The following WDR70 variants were observed in gnomAD, a reference collection of about 807,000 sequenced individuals.
WDR70 encodes WD repeat domain 70.
WDR70 carries 53 observed loss-of-function variants against 88.6 expected under a neutral mutation model. The observed-to-expected ratio is 0.60, with a 90% CI of 0.48 to 0.75. The LOEUF is 0.75. Ranked by LOEUF, WDR70 falls within the 30% of genes least tolerant of loss-of-function variation. The probability of loss-of-function intolerance (pLI) is 0.00; values close to 1 mark genes in which losing one functional copy is unlikely to be tolerated. For synonymous variants in WDR70, 280 were observed against 270.0 expected, an observed-to-expected ratio of 1.04 and a Z score of -0.36; for missense variants, 610 against 823.2, an observed-to-expected ratio of 0.74 and a Z score of 3.17.
At chr5:37,713,605 A>G (rs1747576256) in intron 13 of WDR70, among the ~76,000 whole-genome samples, 2 of 152,004 alleles carry the variant, frequency 1.3e-5, no homozygotes, top group South Asian at 4.1e-4. Context: ...ATAATGTTAT[A>G]TTTACTTATT....
At chr5:37,484,486 T>G (rs1346458449) in intron 8 of WDR70, among the ~76,000 whole-genome samples, 1 of 152,010 alleles carries the variant, frequency 6.6e-6, no homozygotes, top group African/African-American at 2.4e-5. Flanking sequence ...GGAGGTTGCA[T>G]TGAGCCGAGA....
At chr5:37,681,623 G>T (rs1384846185) in intron 10 of WDR70, among the ~76,000 whole-genome samples, 1 of 152,138 alleles carries the variant, frequency 6.6e-6, no homozygotes, top group Non-Finnish European at 1.5e-5. Flanking sequence ...AGTTTATTAA[G>T]AGTTTTTAAC....
chr5:37,701,785 CAAAAA>C (rs58402399), intron 12 of WDR70, among the ~76,000 whole-genome samples: 5 of 115,076 alleles, frequency 4.3e-5, no homozygotes, highest in Admixed American at 9.0e-5. Context: ...GACTCCATCT[CAAAAA>C]AAAAAAAAAA....
chr5:37,461,846 T>C (rs1561861253), intron 7 of WDR70, among the ~76,000 whole-genome samples: 1 of 152,174 alleles, frequency 6.6e-6, no homozygotes, highest in Non-Finnish European at 1.5e-5. Context: ...TTATTAACCC[T>C]ATATTGTCTC....
chr5:37,437,421 G>A (rs1034550750), intron 5 of WDR70, among the ~76,000 whole-genome samples: 1 of 152,036 alleles, frequency 6.6e-6, no homozygotes, highest in African/African-American at 2.4e-5. Flanking sequence ...GACCTTGTTG[G>A]TTATTTTTTA....
chr5:37,678,025 T>C (rs1746293246), intron 10 of WDR70, among the ~76,000 whole-genome samples: 1 of 152,208 alleles, frequency 6.6e-6, no homozygotes, highest in Non-Finnish European at 1.5e-5. Flanking sequence ...TGGTTTAATG[T>C]CTGTTTTATC....
intron 8 of WDR70, chr5:37,506,064 A>G: frequency 7.7e-7 from 1 of 1,306,168 alleles, no homozygotes; most frequent in Non-Finnish European, 1.1e-6. Flanking sequence ...TGATCCAGAG[A>G]GATCACCTCA....
At chr5:37,737,165 C>G (rs1256776274) in intron 17 of WDR70, among the ~76,000 whole-genome samples, 1 of 151,996 alleles carries the variant, frequency 6.6e-6, no homozygotes, top group Admixed American at 6.6e-5. Flanking sequence ...TTATACTATG[C>G]CAGGCTTGTT....
intron 3 of WDR70, 58 bp from the exon 4 acceptor site, chr5:37,391,942 C>G: frequency 6.4e-7 from 1 of 1,551,954 alleles, no homozygotes; most frequent in Non-Finnish European, 8.7e-7. Flanking sequence ...CTAATACTAA[C>G]ATATTTTGAA....
intron 10 of WDR70, among the ~76,000 whole-genome samples, chr5:37,653,920 G>A (rs975333370): frequency 1.3e-4 from 19 of 151,964 alleles, no homozygotes; most frequent in African/African-American, 4.6e-4. Context: ...TTTTCTTGAA[G>A]GGTTTTTCAT....
At chr5:37,457,603 G>C (rs879723363) in intron 7 of WDR70, among the ~76,000 whole-genome samples, 7 of 152,130 alleles carry the variant, frequency 4.6e-5, no homozygotes, top group African/African-American at 9.7e-5. Context: ...ATGTGGAAAT[G>C]ATCAGGAACA....
At chr5:37,591,323 G>C (rs1561914308) in intron 9 of WDR70, among the ~76,000 whole-genome samples, 1 of 152,128 alleles carries the variant, frequency 6.6e-6, no homozygotes, top group Non-Finnish European at 1.5e-5. Flanking sequence ...ATCTCAAAAA[G>C]AATTGCAGGC....
intron 5 of WDR70, among the ~76,000 whole-genome samples, chr5:37,397,663 G>T (rs1321828659): frequency 6.6e-6 from 1 of 152,144 alleles, no homozygotes; most frequent in African/African-American, 2.4e-5. Flanking sequence ...GTTAACCTTA[G>T]ATTAGTTTAA....
chr5:37,379,518 C>T lies in WDR70; in HGVS notation c.55C>T (p.Pro19Ser). Residue 19 changes from proline (P) to serine (S), a missense_variant, in exon 2 of 18, where the codon CCG becomes TCG. Transcript: ENST00000265107. Reference sequence around the variant, plus strand: ...AGGCTCAGACGCGTCGGGACCGGACCCGCAGCTTGCGGTCACCATGGGCTT... The same window carrying T: ...AGGCTCAGACGCGTCGGGACCGGACTCGCAGCTTGCGGTCACCATGGGCTT... ...VTGSDASGPD[P>S]QLAVTMGFTG... 1.2e-6 allele frequency: 2 copies of T among 1,614,000 alleles called. No individual in the cohort carries two copies. The highest frequency in any genetic ancestry group is 2.2e-5 in the East Asian group (1 of 44,886).
chr5:37,404,567 T>A (rs1003503991), intron 5 of WDR70, among the ~76,000 whole-genome samples: 1 of 152,202 alleles, frequency 6.6e-6, no homozygotes, highest in African/African-American at 2.4e-5. Context: ...AAGCTCCTGG[T>A]TTTTTGAATC....
At chr5:37,677,439 T>C (rs1004174351) in intron 10 of WDR70, among the ~76,000 whole-genome samples, 3 of 152,232 alleles carry the variant, frequency 2.0e-5, no homozygotes, top group Non-Finnish European at 2.9e-5. Context: ...GTTGTCTCTT[T>C]GTTCTCATTG....
At chr5:37,716,284 T>A (rs1217355067) in intron 13 of WDR70, among the ~76,000 whole-genome samples, 2 of 152,208 alleles carry the variant, frequency 1.3e-5, no homozygotes, top group Non-Finnish European at 2.9e-5. Flanking sequence ...GTTGTTTAGA[T>A]ATGTGCATTG....
intron 5 of WDR70, among the ~76,000 whole-genome samples, chr5:37,412,876 A>G (rs1462965710): frequency 2.0e-5 from 3 of 152,238 alleles, no homozygotes; most frequent in African/African-American, 7.2e-5. Flanking sequence ...AAGGTGATTC[A>G]TGTAAACACG....
chr5:37,498,837 C>A lies in WDR70; in HGVS notation c.841-17677C>A, dbSNP rs764278395. On this transcript the variant is annotated intron_variant, in intron 8 of 17. Transcript: ENST00000265107. ...TGTAGGTTTCGTGTGAACATGTTTT[C>A]AAATCAGTAATACCTAGGGGTGTGA... Among the ~76,000 whole-genome samples, 30 of 151,866 alleles carry A rather than the reference C, an allele frequency of 2.0e-4. 1 individual carries two copies. The highest frequency in any genetic ancestry group is 1.9e-4 in the Non-Finnish European group (13 of 67,924).
Sources: allele counts gnomAD v4.1 joint callset (sites outside exome capture counted in the v4.1 genomes callset), GRCh38; gene constraint gnomAD v4.1.1; transcripts MANE v1.5; gene names NCBI Gene and HGNC (gene_info 2026-07-23, HGNC 2026-07-21).